PMS2: variants seen among roughly 807,000 people sequenced by gnomAD.
PMS2 encodes the protein mismatch repair endonuclease PMS2.
PMS2 carries 69 observed loss-of-function variants against 90.0 expected under a neutral mutation model. The observed-to-expected ratio is 0.77, with a 90% CI of 0.63 to 0.94. PMS2 has a LOEUF of 0.94. Ranked by LOEUF, PMS2 falls within the 40% of genes least tolerant of loss-of-function variation. The probability of loss-of-function intolerance (pLI) is 0.00; values close to 1 mark genes in which losing one functional copy is unlikely to be tolerated. For synonymous variants in PMS2, 332 were observed against 375.1 expected (o/e 0.89, Z 1.33); for missense variants, 966 against 1,040.2 (o/e 0.93, Z 0.98).
intron 10 of PMS2, among the ~76,000 whole-genome samples, chr7:5,988,432 C>G (rs542438112): frequency 6.6e-6 from 1 of 152,172 alleles, no homozygotes; most frequent in Non-Finnish European, 1.5e-5. Context: ...GTGGAATGCA[C>G]TTATAATCCC....
chr7:5,997,241 A>C (rs540820238), intron 7 of PMS2, 85 bp downstream of exon 7: 1 of 737,824 alleles, frequency 1.4e-6, no homozygotes, highest in South Asian at 1.6e-5. Context: ...ACACGAAACT[A>C]TTAGCCTTAG....
chr7:5,992,539 C>T (rs1266028256), intron 8 of PMS2, among the ~76,000 whole-genome samples: 2 of 151,950 alleles, frequency 1.3e-5, no homozygotes, highest in African/African-American at 2.4e-5. Context: ...AGGCTGGTCT[C>T]GAACTCCTGA....
intron 2 of PMS2, 106 bp from the exon 3 acceptor site, chr7:6,004,164 ACCTT>A: frequency 1.4e-6 from 1 of 703,492 alleles, no homozygotes; most frequent in Non-Finnish European, 2.5e-6. Flanking sequence ...TCATAACTAT[ACCTT>A]TAGTTAAACA....
Position 5,997,443 on chromosome 7 carries a change from A to T in PMS2, c.706-20T>A, listed in dbSNP as rs1427005392. 4.5e-6 allele frequency: 5 copies of T among 1,101,348 alleles called. No homozygotes were observed. Among genetic ancestry groups the T allele is most frequent in the Non-Finnish European group, 6.8e-6 (5 of 735,424 alleles). The allele number at this position is 1,101,348 out of a possible 1,614,324, so 68.2% of individuals were successfully genotyped here. A position where few individuals can be genotyped will look rare whatever the true frequency, so the allele number is the denominator to read the frequency against. ...TTGCAACTGAAAAAAAAAAAAAAAA[A>T]TTCACAGTTACTTCCTAATAAAGAC... On this transcript the variant is annotated intron_variant, in intron 6 of 14. Coordinates refer to ENST00000265849, the MANE Select transcript of PMS2 (RefSeq NM_000535.7).
At chr7:6,001,373 CTT>C (rs35742778) in intron 5 of PMS2, among the ~76,000 whole-genome samples, 8 of 138,704 alleles carry the variant, frequency 5.8e-5, no homozygotes, top group Admixed American at 2.2e-4. Context: ...GAGAAATATT[CTT>C]TTTTTTTTTT....
In PMS2 at chr7:5,982,432, G is replaced by A. The variant is rs535597487; in HGVS notation, c.2174+392C>T. 4.8e-4 allele frequency among the ~76,000 whole-genome samples: 73 copies of A among 152,216 alleles called. 5 individuals carry two copies. The East Asian group carries it at 0.014, about 28-fold the overall frequency. ...TTGGTCAGGCTGGTCTCGAACTCCCGACCTGAAGTGATCTGCCCACCTCGG... is the reference window on the plus strand; with the variant it reads ...TTGGTCAGGCTGGTCTCGAACTCCCAACCTGAAGTGATCTGCCCACCTCGG... On this transcript the variant is annotated intron_variant, in intron 12 of 14. Coordinates refer to ENST00000265849, the MANE Select transcript of PMS2 (RefSeq NM_000535.7).
At chr7:5,985,657 A>G (rs71533310) in intron 11 of PMS2, among the ~76,000 whole-genome samples, 12,838 of 123,262 alleles carry the variant, frequency 0.1, no homozygotes, top group East Asian at 0.18. Flanking sequence ...GGGTTCAAGC[A>G]ATTCTCCTGC....
At chr7:6,003,879 A>C in intron 3 of PMS2, 87 bp from the exon 4 acceptor site, 2 of 1,286,772 alleles carry the variant, frequency 1.6e-6, no homozygotes, top group Admixed American at 1.7e-5. Context: ...GGCTTTAAAA[A>C]ACTGTTTTTG....
chr7:5,999,625 T>C (rs1784874742), intron 5 of PMS2, among the ~76,000 whole-genome samples: 1 of 148,774 alleles, frequency 6.7e-6, no homozygotes, highest in Non-Finnish European at 1.5e-5. Flanking sequence ...ACCCTGTCTC[T>C]ACAAAAAATT....
rs1179605136 is a variant in PMS2, at chr7:5,986,910, C to A, written c.1855G>T (p.Asp619Tyr). Residue 619 changes from aspartate (D) to tyrosine (Y), a missense_variant, in exon 11 of 15, where the codon GAC (aspartate) becomes TAC (tyrosine). Transcript: ENST00000265849. Reference sequence around the variant, plus strand: ...TTAGCTAAAGAACTCATAGAAAAGTCCAGGGGCACAACTTTCTTATTAATT... The same window carrying A: ...TTAGCTAAAGAACTCATAGAAAAGTACAGGGGCACAACTTTCTTATTAATT... ...VKINKKVVPL[D>Y]FSMSSLAKRI... 1.9e-6 allele frequency: 3 copies of A among 1,613,934 alleles called. No individual in the cohort carries two copies. Among genetic ancestry groups the A allele is most frequent in the African/African-American group, 1.3e-5 (1 of 74,896 alleles).
At chr7:5,998,989 C>CAAAA in intron 6 of PMS2, 119 bp downstream of exon 6, 1 of 861,346 alleles carries the variant, frequency 1.2e-6, no homozygotes, top group South Asian at 1.5e-5. Context: ...GACTCCCTCT[C>CAAAA]AAAAAAAAAA....
intron 7 of PMS2, 61 bp downstream of exon 7, chr7:5,997,265 A>T (rs1425438901): frequency 2.1e-5 from 16 of 768,934 alleles, no homozygotes; most frequent in African/African-American, 1.9e-4. Flanking sequence ...CACTATCTTT[A>T]AAAAAAAAGC....
intron 1 of PMS2, 28 bp downstream of exon 1, chr7:6,008,969 A>C: frequency 1.2e-6 from 2 of 1,612,146 alleles, no homozygotes; most frequent in East Asian, 4.5e-5. Flanking sequence ...GCGAGAGGGG[A>C]CACCGGAAGA....
chr7:5,998,603 A>C (rs1463444780), intron 6 of PMS2, among the ~76,000 whole-genome samples: 1 of 150,936 alleles, frequency 6.6e-6, no homozygotes, highest in East Asian at 2.0e-4. Flanking sequence ...CTAAGGTAGG[A>C]GAATTGCTTC....
intron 8 of PMS2, among the ~76,000 whole-genome samples, chr7:5,993,129 G>A (rs550319546): frequency 2.0e-5 from 3 of 152,072 alleles, no homozygotes; most frequent in Non-Finnish European, 4.4e-5. Context: ...CCAGCACTTT[G>A]GGAGGTCAAG....
Position 5,999,140 on chromosome 7 carries a change from C to T in PMS2, c.673G>A (p.Glu225Lys), listed in dbSNP as rs1562677770. ...TGCCCAAACACAGAGCCGATATTTT[C>T]CTTTATGCTGGGGCTTCCACCTGTG... is the stretch of plus-strand genomic sequence containing the variant. ...VCTGGSPSIK[E>K]NIGSVFGQKQ... The change falls in exon 6 of 15, where the codon GAA (glutamate) becomes AAA (lysine). Residue 225 changes from glutamate to lysine, a missense_variant. By Grantham distance (56) the Glu-to-Lys change is moderately conservative. Coordinates refer to ENST00000265849, the MANE Select transcript of PMS2 (RefSeq NM_000535.7). The T allele has an allele frequency of 1.2e-6, 2 of 1,614,122 alleles. No individual in the cohort carries two copies. Among genetic ancestry groups the T allele is most frequent in the Non-Finnish European group, 8.5e-7 (1 of 1,180,034 alleles).
chr7:5,995,178 C>T (rs1410572659), intron 8 of PMS2, among the ~76,000 whole-genome samples: 1 of 152,094 alleles, frequency 6.6e-6, no homozygotes, highest in Non-Finnish European at 1.5e-5. Flanking sequence ...GCTGGGATTA[C>T]AGGCGTGGAA....
At position 5,987,008 on chromosome 7, in the gene PMS2, GA is replaced by G; in HGVS notation, c.1756del (p.Ser586ProfsTer9). On this transcript the variant is annotated frameshift_variant, in exon 11 of 15. Transcript: ENST00000265849. LOFTEE classifies it high-confidence loss of function. ...TAACTTTTGACAAATGTCAGAACTG[GA>G]AAGAATTTCTTCTTTTTTAAAACGC... is the stretch of plus-strand genomic sequence containing the variant. ...TKRFKKEEILSSSDICQKLVN... is the reference protein window; with the variant it reads ...TKRFKKEEILXSSDICQKLVN... 6.2e-7 allele frequency: 1 copy of G among 1,614,190 alleles called. No individual in the cohort carries two copies. The highest frequency in any genetic ancestry group is 8.5e-7 in the Non-Finnish European group (1 of 1,180,032).
chr7:5,998,695 A>C (rs992774143), intron 6 of PMS2, among the ~76,000 whole-genome samples: 3 of 145,900 alleles, frequency 2.1e-5, no homozygotes, highest in African/African-American at 7.5e-5. Flanking sequence ...CTCCAGCTCA[A>C]AAAAAAAAAA....
Sources: gnomAD v4.1 joint callset for allele counts (sites outside exome capture counted in the v4.1 genomes callset) on GRCh38, gnomAD v4.1.1 for gene constraint, MANE v1.5 for transcripts, NCBI Gene and HGNC (gene_info 2026-07-23, HGNC 2026-07-21) for gene names.